The following CACNA1D variants were observed in gnomAD, a reference collection of about 807,000 sequenced individuals.
CACNA1D encodes calcium voltage-gated channel subunit alpha1 D, also known as voltage-dependent L-type calcium channel subunit alpha-1D.
CACNA1D carries 55 observed loss-of-function variants against 257.1 expected under a neutral mutation model. That is an observed-to-expected ratio of 0.21 (90% CI 0.17 to 0.27). CACNA1D has a LOEUF of 0.27. Ranked by LOEUF, CACNA1D falls within the 10% of genes least tolerant of loss-of-function variation. The probability of loss-of-function intolerance (pLI) is 1.00; values close to 1 mark genes in which losing one functional copy is unlikely to be tolerated. For synonymous variants in CACNA1D, 980 were observed against 1,014.9 expected (o/e 0.97, Z 0.65); for missense variants, 1,876 against 2,784.0 (o/e 0.67, Z 7.34).
chr3:53,734,271 A>G (rs969267835), intron 19 of CACNA1D, among the ~76,000 whole-genome samples: 3 of 151,480 alleles, frequency 2.0e-5, no homozygotes, highest in Non-Finnish European at 4.4e-5. Flanking sequence ...AGGAAAAGCT[A>G]TCTATCTATA....
chr3:53,614,637 G>A (rs374842331), intron 3 of CACNA1D, among the ~76,000 whole-genome samples: 4 of 152,192 alleles, frequency 2.6e-5, no homozygotes, highest in South Asian at 2.1e-4. Flanking sequence ...GCCCACATTC[G>A]TTTCACAGAA....
chr3:53,568,479 G>T (rs772946039), intron 3 of CACNA1D, among the ~76,000 whole-genome samples: 2 of 152,010 alleles, frequency 1.3e-5, no homozygotes, highest in South Asian at 2.1e-4. Context: ...TCTCAAAAGC[G>T]CCCACTGCCA....
intron 8 of CACNA1D, among the ~76,000 whole-genome samples, chr3:53,680,010 T>C (rs570940961): frequency 1.9e-4 from 29 of 152,330 alleles, no homozygotes; most frequent in African/African-American, 6.3e-4. Context: ...CACTGAACTT[T>C]CTTGTTGCAG....
intron 32 of CACNA1D, among the ~76,000 whole-genome samples, chr3:53,770,937 A>G (rs1576617030): frequency 6.6e-6 from 1 of 152,336 alleles, no homozygotes; most frequent in East Asian, 1.9e-4. Context: ...ATAAGGCTAC[A>G]ACAGTGCTGT....
chr3:53,575,862 G>A (rs1264797072), intron 3 of CACNA1D, among the ~76,000 whole-genome samples: 1 of 152,164 alleles, frequency 6.6e-6, no homozygotes, highest in Non-Finnish European at 1.5e-5. Flanking sequence ...GATGATACTG[G>A]CAAAAGTCAC....
chr3:53,612,702 C>G (rs993614910), intron 3 of CACNA1D, among the ~76,000 whole-genome samples: 1 of 152,130 alleles, frequency 6.6e-6, no homozygotes, highest in Non-Finnish European at 1.5e-5. Context: ...TTCCTCAGCT[C>G]AGTGAGACCT....
At chr3:53,654,788 G>T (rs1375344200) in intron 4 of CACNA1D, among the ~76,000 whole-genome samples, 1 of 151,924 alleles carries the variant, frequency 6.6e-6, no homozygotes, top group Non-Finnish European at 1.5e-5. Context: ...ACTGACACTT[G>T]CCTTAGAGAA....
intron 3 of CACNA1D, among the ~76,000 whole-genome samples, chr3:53,550,329 C>G (rs1172238832): frequency 6.6e-6 from 1 of 152,136 alleles, no homozygotes; most frequent in Non-Finnish European, 1.5e-5. Context: ...CTGGAACCAC[C>G]AAGCAGGGTT....
chr3:53,713,259 A>G (rs147665223), intron 9 of CACNA1D, among the ~76,000 whole-genome samples: 75 of 152,256 alleles, frequency 4.9e-4, no homozygotes, highest in African/African-American at 1.7e-3. Flanking sequence ...GATCTTAGAG[A>G]TGATACTGTC....
In CACNA1D at chr3:53,625,164, A is replaced by G. The variant is rs144999023; in HGVS notation, c.484-25615A>G. 2.0e-5 allele frequency among the ~76,000 whole-genome samples: 3 copies of G among 152,262 alleles called. No homozygotes were observed. The East Asian group carries it at 5.8e-4, about 29-fold the overall frequency. On this transcript the variant is annotated intron_variant, in intron 3 of 47. Coordinates refer to ENST00000350061, the MANE Select transcript of CACNA1D (RefSeq NM_001128840.3). ...AGGGCATCTATGAGGCAAAGACCAT[A>G]TCTCACTCACATCCGGGTCTTGAGG...
chr3:53,693,461 ATTTTTTT>A (rs10576296), intron 8 of CACNA1D, among the ~76,000 whole-genome samples: 1 of 142,468 alleles, frequency 7.0e-6, no homozygotes, highest in Non-Finnish European at 1.5e-5. Flanking sequence ...CATTGCTGTT[ATTTTTTT>A]TTTTTTTTTT....
intron 4 of CACNA1D, among the ~76,000 whole-genome samples, chr3:53,654,198 G>A (rs1314257338): frequency 6.6e-6 from 1 of 151,228 alleles, no homozygotes; most frequent in Non-Finnish European, 1.5e-5. Flanking sequence ...TAGAAAAGTG[G>A]ATCTACACAG....
At chr3:53,676,878 A>G (rs556098686) in intron 8 of CACNA1D, among the ~76,000 whole-genome samples, 2 of 152,350 alleles carry the variant, frequency 1.3e-5, no homozygotes, top group African/African-American at 4.8e-5. Context: ...GAATACTTCC[A>G]TCTCTGATCA....
intron 40 of CACNA1D, among the ~76,000 whole-genome samples, chr3:53,799,548 TCA>T (rs1448270593): frequency 1.3e-5 from 2 of 152,192 alleles, no homozygotes; most frequent in East Asian, 3.9e-4. Context: ...TAAGCCACTT[TCA>T]GTTTGTTGTG....
chr3:53,537,263 C>G (rs181936474), intron 3 of CACNA1D, among the ~76,000 whole-genome samples: 2 of 152,080 alleles, frequency 1.3e-5, no homozygotes, highest in East Asian at 1.9e-4. Context: ...TACTCTTAAC[C>G]TTTTACTATG....
At chr3:53,609,305 G>A (rs960989673) in intron 3 of CACNA1D, among the ~76,000 whole-genome samples, 1 of 151,468 alleles carries the variant, frequency 6.6e-6, no homozygotes, top group Non-Finnish European at 1.5e-5. Context: ...AGCTACTTGG[G>A]AGACTGAGGC....
chr3:53,516,616 TAC>T (rs2091345879), intron 3 of CACNA1D, among the ~76,000 whole-genome samples: 1 of 152,204 alleles, frequency 6.6e-6, no homozygotes, highest in Non-Finnish European at 1.5e-5. Context: ...AAAGACCAAG[TAC>T]AGTGTGAGGA....
intron 3 of CACNA1D, among the ~76,000 whole-genome samples, chr3:53,548,985 G>T (rs1054207007): frequency 6.6e-6 from 1 of 152,180 alleles, no homozygotes; most frequent in Non-Finnish European, 1.5e-5. Context: ...AATAATTGAT[G>T]TTGGGGGTGT....
intron 35 of CACNA1D, 137 bp from the exon 36 acceptor site, chr3:53,776,466 C>G (rs1009126105): frequency 5.9e-5 from 61 of 1,026,998 alleles, no homozygotes; most frequent in Non-Finnish European, 8.7e-5. Context: ...AAACATTCTC[C>G]AAATAGAAAG....
Sources: gnomAD v4.1 joint callset for allele counts (sites outside exome capture counted in the v4.1 genomes callset) on GRCh38, gnomAD v4.1.1 for gene constraint, MANE v1.5 for transcripts, NCBI Gene and HGNC (gene_info 2026-07-23, HGNC 2026-07-21) for gene names.